The following KLHL25 variants were observed in gnomAD, a reference collection of about 807,000 sequenced individuals.
KLHL25 encodes the protein kelch like family member 25.
Under a neutral mutation model 30.0 loss-of-function variants are expected in KLHL25, and 41 were observed. That is an observed-to-expected ratio of 1.37 (90% confidence interval 1.07 to 1.78). The LOEUF is 1.78. Among genes scored for constraint, KLHL25 ranks in the 40% most tolerant of loss-of-function variants. KLHL25 has a pLI of 0.00. For synonymous variants in KLHL25, 399 were observed against 355.3 expected (o/e 1.12, Z -1.38); for missense variants, 971 against 824.5 (o/e 1.18, Z -2.18).
At chr15:85,784,178 TTGACCTTAAAGAAG>T (rs2089763952) in intron 1 of KLHL25, among the ~76,000 whole-genome samples, 2 of 152,242 alleles carry the variant, frequency 1.3e-5, no homozygotes, top group African/African-American at 4.8e-5. Flanking sequence ...GATCAATTGG[TTGACCTTAAAGAAG>T]GGAGATTATC....
intron 1 of KLHL25, among the ~76,000 whole-genome samples, chr15:85,791,266 C>T (rs924288908): frequency 2.0e-5 from 3 of 149,282 alleles, no homozygotes; most frequent in Middle Eastern, 3.5e-3. Flanking sequence ...GAGGCTGAGG[C>T]GGGTGGATCA....
rs769701325 is a variant in KLHL25 at position 85,769,595 on chromosome 15, C to A, written c.216G>T (p.Glu72Asp). 2 of 1,613,670 alleles carry A rather than the reference C, an allele frequency of 1.2e-6. No homozygotes were observed. The highest frequency in any genetic ancestry group is 1.7e-6 in the Non-Finnish European group (2 of 1,180,036). ...AVLAASSRYF[E>D]AMFSHGLRES... is the part of the protein sequence containing the mutation. ...CCCGAAGGCCATGGCTGAACATGGCCTCAAAATAGCGGCTAGAGGCGGCCA... is the reference window on the plus strand; with the variant it reads ...CCCGAAGGCCATGGCTGAACATGGCATCAAAATAGCGGCTAGAGGCGGCCA... The change falls in exon 2 of 3, where the codon GAG becomes GAT. Residue 72 changes from glutamate to aspartate, a missense_variant. Physicochemically the swap from Glu to Asp is conservative, Grantham distance 45. Transcript: ENST00000337975.
intron 1 of KLHL25, among the ~76,000 whole-genome samples, chr15:85,777,178 G>A (rs1460597487): frequency 6.6e-6 from 1 of 152,220 alleles, no homozygotes; most frequent in Non-Finnish European, 1.5e-5. Flanking sequence ...GTCTGCTTCA[G>A]ACAATGCTTG....
rs1450443338 is a variant in KLHL25, at chr15:85,769,581, T to A, written c.230A>T (p.His77Leu). Residue 77 changes from histidine to leucine, a missense_variant, in exon 2 of 3, where the codon CAT becomes CTT. Coordinates refer to ENST00000337975, the MANE Select transcript of KLHL25 (RefSeq NM_022480.4). ...SSRYFEAMFS[H>L]GLRESRDDTV... The stretch of plus-strand genomic sequence containing the variant: ...GTCATCCCGGCTCTCCCGAAGGCCA[T>A]GGCTGAACATGGCCTCAAAATAGCG... The A allele has an allele frequency of 4.3e-6, 7 of 1,613,662 alleles. No individual in the cohort carries two copies. Among genetic ancestry groups the A allele is most frequent in the Admixed American group, 1.7e-5 (1 of 60,010 alleles).
chr15:85,773,763 G>T (rs570906043), intron 1 of KLHL25, among the ~76,000 whole-genome samples: 1 of 152,180 alleles, frequency 6.6e-6, no homozygotes, highest in Non-Finnish European at 1.5e-5. Context: ...CTGGGAGTGG[G>T]AAGGGGTGAC....
At chr15:85,790,384 G>T (rs1018671774) in intron 1 of KLHL25, among the ~76,000 whole-genome samples, 9 of 152,094 alleles carry the variant, frequency 5.9e-5, no homozygotes, top group African/African-American at 2.2e-4. Context: ...CACCTCGCCC[G>T]GTCCATTCCT....
chr15:85,775,478 C>T (rs2089703558), intron 1 of KLHL25, among the ~76,000 whole-genome samples: 1 of 152,084 alleles, frequency 6.6e-6, no homozygotes, highest in South Asian at 2.1e-4. Flanking sequence ...CTGGGTGCAT[C>T]GGAGTCAGGA....
intron 1 of KLHL25, among the ~76,000 whole-genome samples, chr15:85,782,400 C>T (rs771281882): frequency 9.2e-5 from 14 of 151,886 alleles, no homozygotes; most frequent in Admixed American, 3.3e-4. Context: ...AAATTGTGAG[C>T]GCTCCTGCTC....
rs2089562572 is a variant in KLHL25 at position 85,759,332 on chromosome 15, C to G, written c.*1704G>C. ...ACACAAGGCAGGCAAAGAATTTTCT[C>G]AACTCTTTTTATTAAGTTAGAAAAC... is the stretch of plus-strand genomic sequence containing the variant. On this transcript the variant is annotated 3_prime_UTR_variant, in exon 3 of 3. Transcript: ENST00000337975. 1 of 152,490 alleles carries G rather than the reference C, an allele frequency of 6.6e-6. No individual in the cohort carries two copies. Among genetic ancestry groups the G allele is most frequent in the Non-Finnish European group, 1.5e-5 (1 of 68,060 alleles). The allele number at this position is 152,490 out of a possible 1,614,324, so 9.4% of individuals were successfully genotyped here. A position where few individuals can be genotyped will look rare whatever the true frequency, so the allele number is the denominator to read the frequency against.
intron 1 of KLHL25, among the ~76,000 whole-genome samples, chr15:85,788,548 A>G (rs911383661): frequency 2.0e-5 from 3 of 152,136 alleles, no homozygotes; most frequent in African/African-American, 7.2e-5. Context: ...CACATTTGAA[A>G]TGAGGAAACC....
rs1185190441 is a variant in KLHL25 at position 85,769,747 on chromosome 15, G to T, written c.64C>A (p.Leu22Ile). The part of the protein sequence containing the change: ...RSSTGSMNVT[L>I]FHKASHPDCV... ...TCCGGGTGGGAGGCCTTGTGGAAGA[G>T]GGTGACGTTCATGGACCCCGTGCTG... Residue 22 changes from leucine to isoleucine, a missense_variant, in exon 2 of 3, where the codon CTC (leucine) becomes ATC (isoleucine). Transcript: ENST00000337975. The T allele has an allele frequency of 1.9e-6, 3 of 1,613,674 alleles. No individual in the cohort carries two copies. Among genetic ancestry groups the T allele is most frequent in the Middle Eastern group, 1.6e-4 (1 of 6,062 alleles).
At chr15:85,779,203 T>C (rs1431248939) in intron 1 of KLHL25, among the ~76,000 whole-genome samples, 1 of 152,138 alleles carries the variant, frequency 6.6e-6, no homozygotes, top group Non-Finnish European at 1.5e-5. Context: ...CTGCCCAGCG[T>C]CCTGTCTTTT....
chr15:85,775,246 T>C (rs1212527009), intron 1 of KLHL25, among the ~76,000 whole-genome samples: 2 of 152,100 alleles, frequency 1.3e-5, no homozygotes, highest in African/African-American at 4.8e-5. Context: ...GAAAGCACCT[T>C]TGGAAACTCG....
chr15:85,786,930 C>A (rs1175369093), intron 1 of KLHL25, among the ~76,000 whole-genome samples: 3 of 152,048 alleles, frequency 2.0e-5, no homozygotes, highest in Non-Finnish European at 4.4e-5. Flanking sequence ...CAGGGGCGGG[C>A]AGGGATTAAA....
intron 1 of KLHL25, among the ~76,000 whole-genome samples, chr15:85,782,821 C>T (rs1192137492): frequency 6.6e-6 from 1 of 152,190 alleles, no homozygotes; most frequent in African/African-American, 2.4e-5. Context: ...CTTTCTTCTA[C>T]TGCTGGACAG....
At chr15:85,767,977 T>C (rs1247509826) in intron 2 of KLHL25, 40 bp downstream of exon 2, 2 of 1,372,650 alleles carry the variant, frequency 1.5e-6, no homozygotes, top group Non-Finnish European at 2.0e-6. Flanking sequence ...CCCCATGACC[T>C]TTCCGGACCC....
Position 85,768,132 on chromosome 15 carries a change from G to C in KLHL25, c.1679C>G (p.Pro560Arg). 6.2e-7 allele frequency: 1 copy of C among 1,614,218 alleles called. No homozygotes were observed. Among genetic ancestry groups the C allele is most frequent in the Admixed American group, 1.7e-5 (1 of 60,024 alleles). ...QRCKTLDCYD[P>R]TSDTWNCITT... ...GATGCAGTTCCATGTATCTGAAGTG[G>C]GGTCATAGCAGTCCAGAGTCTTACA... is the stretch of plus-strand genomic sequence containing the variant. Residue 560 changes from proline (P) to arginine (R), a missense_variant, in exon 2 of 3, where the codon CCC (proline) becomes CGC (arginine). Physicochemically the swap from Pro to Arg is moderately radical, Grantham distance 103. Coordinates refer to ENST00000337975, the MANE Select transcript of KLHL25 (RefSeq NM_022480.4).
rs1484529845 is a variant in KLHL25, at chr15:85,768,108, A to G, written c.1703T>C (p.Ile568Thr). 6.2e-7 allele frequency: 1 copy of G among 1,614,192 alleles called. No homozygotes were observed. Among genetic ancestry groups the G allele is most frequent in the Admixed American group, 1.7e-5 (1 of 60,018 alleles). ...YDPTSDTWNCITTVPYSLIPT... is the reference protein window; with the variant it reads ...YDPTSDTWNCTTTVPYSLIPT... The stretch of plus-strand genomic sequence containing the variant: ...GATAAGTGAGTAGGGCACTGTGGTG[A>G]TGCAGTTCCATGTATCTGAAGTGGG... Residue 568 changes from isoleucine (I) to threonine (T), a missense_variant, in exon 2 of 3, where the codon ATC becomes ACC. Physicochemically the swap from Ile to Thr is moderately conservative, Grantham distance 89 (BLOSUM62 -1). Coordinates refer to ENST00000337975, the MANE Select transcript of KLHL25 (RefSeq NM_022480.4).
At chr15:85,783,546 G>C (rs915657385) in intron 1 of KLHL25, among the ~76,000 whole-genome samples, 1 of 151,932 alleles carries the variant, frequency 6.6e-6, no homozygotes, top group African/African-American at 2.4e-5. Context: ...AGAAAAATTA[G>C]ACAGGCTTGG....
Sources: gnomAD v4.1 joint callset for allele counts (sites outside exome capture counted in the v4.1 genomes callset) on GRCh38, gnomAD v4.1.1 for gene constraint, MANE v1.5 for transcripts, NCBI Gene and HGNC (gene_info 2026-07-23, HGNC 2026-07-21) for gene names.